SLIT1: variants seen among roughly 807,000 people sequenced by gnomAD.
SLIT1 encodes the protein slit guidance ligand 1, also known as slit homolog 1 protein.
A neutral mutation model predicts 186.1 loss-of-function variants in SLIT1; 66 were observed. The observed-to-expected ratio is 0.35, with a 90% CI of 0.29 to 0.44. The LOEUF is 0.44. Among genes scored for constraint, SLIT1 ranks in the 20% least tolerant of loss-of-function variants. SLIT1 has a pLI of 1.00. For synonymous variants in SLIT1, 761 were observed against 833.8 expected, an observed-to-expected ratio of 0.91 and a Z score of 1.50; for missense variants, 1,638 against 2,037.4, an observed-to-expected ratio of 0.80 and a Z score of 3.77.
At chr10:97,100,717 C>T (rs1490688) in intron 4 of SLIT1, among the ~76,000 whole-genome samples, 19,250 of 152,124 alleles carry the variant, frequency 0.13, 1,255 homozygotes, top group Middle Eastern at 0.18. Flanking sequence ...AAAGTCAGTT[C>T]ATTTTCATTA....
At chr10:97,037,658 G>A (rs753054451) in intron 22 of SLIT1, 40 bp downstream of exon 22, 14 of 1,524,920 alleles carry the variant, frequency 9.2e-6, no homozygotes, top group Middle Eastern at 1.7e-4. Context: ...ATGGTTAGAT[G>A]CCAAAGGCCC....
At chr10:97,185,039 G>A (rs1850392230) in intron 1 of SLIT1, among the ~76,000 whole-genome samples, 1 of 152,250 alleles carries the variant, frequency 6.6e-6, no homozygotes, top group South Asian at 2.1e-4. Flanking sequence ...CAAGCTCTGG[G>A]AGCGGGAATC....
intron 3 of SLIT1, among the ~76,000 whole-genome samples, chr10:97,161,281 A>G (rs1270467819): frequency 6.6e-6 from 1 of 152,172 alleles, no homozygotes; most frequent in Non-Finnish European, 1.5e-5. Flanking sequence ...CCAGGTCATT[A>G]ACATGTATTT....
At chr10:97,013,700 G>T in intron 30 of SLIT1, 41 bp downstream of exon 30, 1 of 1,425,994 alleles carries the variant, frequency 7.0e-7, no homozygotes, top group Non-Finnish European at 9.7e-7. Context: ...TGACTCAGGG[G>T]CCTGAGCTCC....
chr10:97,110,647 T>A (rs755200340), intron 4 of SLIT1, among the ~76,000 whole-genome samples: 1 of 152,190 alleles, frequency 6.6e-6, no homozygotes, highest in East Asian at 1.9e-4. Context: ...CATATATACA[T>A]CTATGTAGCA....
At chr10:97,061,153 A>G (rs984777178) in intron 8 of SLIT1, among the ~76,000 whole-genome samples, 5 of 152,324 alleles carry the variant, frequency 3.3e-5, no homozygotes, top group Non-Finnish European at 7.4e-5. Context: ...TGTTTCCTAA[A>G]CACTCAAGCA....
intron 1 of SLIT1, among the ~76,000 whole-genome samples, chr10:97,168,662 A>G (rs1274673558): frequency 6.6e-6 from 1 of 152,204 alleles, no homozygotes; most frequent in Non-Finnish European, 1.5e-5. Flanking sequence ...GGCTGTTTAG[A>G]TATTGTCCAA....
rs575821716 is a variant in SLIT1, at chr10:97,001,679, G to A, written c.4367-329C>T. 5.9e-5 allele frequency among the ~76,000 whole-genome samples: 9 copies of A among 152,294 alleles called. No individual in the cohort carries two copies. The East Asian group carries it at 1.5e-3, about 26-fold the overall frequency. ...CATTATGAAAAGGATTCATGCTGGG[G>A]AGGGGATAGCCTAGGGGACCCTTAA... On this transcript the variant is annotated intron_variant, in intron 36 of 36. Transcript: ENST00000266058.
rs141902770 is a variant in SLIT1 at position 97,184,586 on chromosome 10, AAC to A, written c.197+890_197+891del. 1.7e-4 allele frequency among the ~76,000 whole-genome samples: 26 copies of A among 150,646 alleles called. No individual in the cohort carries two copies. In the South Asian group the frequency reaches 3.6e-3, roughly 21 times the overall value. ...AAATACACACACTCAAACACACCCA[AAC>A]ACACACACACACATTCTACTAGCTT... is the stretch of plus-strand genomic sequence containing the variant. On this transcript the variant is annotated intron_variant, in intron 1 of 36. Transcript: ENST00000266058. The surrounding 1 kb of genome is among the most constrained non-coding windows in gnomAD (Gnocchi z 4.4).
intron 17 of SLIT1, 80 bp from the exon 18 acceptor site, chr10:97,046,877 C>G: frequency 6.3e-7 from 1 of 1,582,798 alleles, no homozygotes; most frequent in South Asian, 1.1e-5. Context: ...AGGCAACACC[C>G]CCACACACAG....
intron 4 of SLIT1, among the ~76,000 whole-genome samples, chr10:97,129,231 GTCTCTACTAAAAA>G (rs1443400378): frequency 6.6e-6 from 1 of 152,016 alleles, no homozygotes; most frequent in Non-Finnish European, 1.5e-5. Flanking sequence ...GCGAAACCCC[GTCTCTACTAAAAA>G]TACAAAAATT....
chr10:97,049,369 C>A (rs1012101737), intron 13 of SLIT1, among the ~76,000 whole-genome samples: 9 of 152,206 alleles, frequency 5.9e-5, no homozygotes, highest in Non-Finnish European at 1.2e-4. Flanking sequence ...GTCCTACTCC[C>A]CATCAAGCCT....
intron 4 of SLIT1, among the ~76,000 whole-genome samples, chr10:97,076,926 A>G (rs1849051397): frequency 6.6e-6 from 1 of 152,198 alleles, no homozygotes. Context: ...GCCTGCCACA[A>G]GCCCAGTTTC....
intron 4 of SLIT1, among the ~76,000 whole-genome samples, chr10:97,118,146 GAATATCAC>G (rs1347012298): frequency 6.6e-6 from 1 of 152,186 alleles, no homozygotes; most frequent in Non-Finnish European, 1.5e-5. Context: ...CTGAGGGCCT[GAATATCAC>G]ATAATACTCA....
intron 1 of SLIT1, among the ~76,000 whole-genome samples, chr10:97,181,411 C>G (rs1420362015): frequency 6.6e-6 from 1 of 152,242 alleles, no homozygotes; most frequent in African/African-American, 2.4e-5. Context: ...GGGCAGCCTT[C>G]CTTATGCGTG....
At chr10:97,087,804 T>C (rs2134660567) in intron 4 of SLIT1, among the ~76,000 whole-genome samples, 1 of 152,276 alleles carries the variant, frequency 6.6e-6, no homozygotes. Flanking sequence ...GGATGGAGTC[T>C]TGATCAGCCC....
chr10:97,037,730 T>C lies in SLIT1; in HGVS notation c.2334A>G (p.Gly778=). 6.2e-7 allele frequency: 1 copy of C among 1,610,074 alleles called. No individual in the cohort carries two copies. Among genetic ancestry groups the C allele is most frequent in the Non-Finnish European group, 8.5e-7 (1 of 1,176,786 alleles). Residue 778 remains glycine (G), a synonymous_variant, in exon 22 of 37, where the codon GGA becomes GGG. Coordinates refer to ENST00000266058, the MANE Select transcript of SLIT1 (RefSeq NM_003061.3). ...LDGNQFTLVP[G]QLSTFKYLQL... ...GCAGGTACTTGAAGGTAGACAGCTG[T>C]CCCGGAACCAGCGTGAACTGGTTCC... is the stretch of plus-strand genomic sequence containing the variant.
At chr10:97,132,953 C>T (rs116382791) in intron 4 of SLIT1, among the ~76,000 whole-genome samples, 2,077 of 152,228 alleles carry the variant, frequency 0.014, 36 homozygotes, top group African/African-American at 0.047. Context: ...GGATCACTGG[C>T]GGCCCCACGT....
chr10:97,158,458 TC>T (rs1849980993), intron 3 of SLIT1, among the ~76,000 whole-genome samples: 1 of 152,060 alleles, frequency 6.6e-6, no homozygotes, highest in Non-Finnish European at 1.5e-5. Flanking sequence ...GGTCAGGAGT[TC>T]GAGGCCAGCC....
Sources: allele counts gnomAD v4.1 joint callset (sites outside exome capture counted in the v4.1 genomes callset), GRCh38; gene constraint gnomAD v4.1.1; non-coding constraint Gnocchi (gnomAD v3.1); transcripts MANE v1.5; gene names NCBI Gene and HGNC (gene_info 2026-07-23, HGNC 2026-07-21).